Variants in PTPRF observed in about 807,000 individuals in gnomAD.
PTPRF encodes receptor-type tyrosine-protein phosphatase F.
PTPRF carries 59 observed loss-of-function variants against 201.8 expected under a neutral mutation model. The ratio of observed to expected loss-of-function variants is 0.29; its 90% confidence interval spans 0.24 to 0.36. The LOEUF (loss-of-function observed/expected upper bound fraction) is 0.36. PTPRF is among the 10% of genes least tolerant of loss of function. The pLI, the probability that PTPRF is intolerant of heterozygous loss-of-function variation, is 1.00. For missense variants in PTPRF, 2,132 were observed against 2,690.5 expected (o/e 0.79, Z 4.59); for synonymous variants, 1,088 against 1,089.7 (o/e 1.00, Z 0.03).
At chr1:43,560,020 A>C (rs913656628) in intron 5 of PTPRF, among the ~76,000 whole-genome samples, 1 of 145,414 alleles carries the variant, frequency 6.9e-6, no homozygotes, top group African/African-American at 2.6e-5. Flanking sequence ...TGTATCAGGC[A>C]GTGTGTGTGT....
Position 43,619,672 on chromosome 1 carries a change from C to A in PTPRF, c.4933-8C>A. The A allele has an allele frequency of 6.2e-7, 1 of 1,613,862 alleles. No individual in the cohort carries two copies. The highest frequency in any genetic ancestry group is 8.5e-7 in the Non-Finnish European group (1 of 1,179,820). On this transcript the variant is annotated splice_polypyrimidine_tract_variant and splice_region_variant and intron_variant, in intron 28 of 33. Transcript: ENST00000359947. ...AGCCTGGCCTGACCAATCCCTGCCT[C>A]TCAATAGTTGCTGGCCAGCTCCAAG...
At position 43,537,585 on chromosome 1, in the gene PTPRF, TATAA is replaced by T. The variant is rs1285845476; in HGVS notation, c.-125-609_-125-606del. On this transcript the variant is annotated intron_variant, in intron 1 of 33. Transcript: ENST00000359947. The surrounding 1 kb of genome is among the most constrained non-coding windows in gnomAD (Gnocchi z 4.8). ...TAGTGACTCAGTAATTGTAAAAATA[TATAA>T]ATAGTCATGTTTGTGGTCACGGCTC... Among the ~76,000 whole-genome samples the T allele has an allele frequency of 3.9e-5, 6 of 152,204 alleles. No individual in the cohort carries two copies. The highest frequency in any genetic ancestry group is 8.8e-5 in the Non-Finnish European group (6 of 68,032).
At chr1:43,620,343 C>T in intron 30 of PTPRF, 111 bp from the exon 31 acceptor site, 1 of 1,529,728 alleles carries the variant, frequency 6.5e-7, no homozygotes, top group Admixed American at 1.9e-5. Flanking sequence ...AGCATGGCCT[C>T]AGGCGCCCGT....
At chr1:43,568,852 C>T (rs1646368242) in intron 5 of PTPRF, among the ~76,000 whole-genome samples, 1 of 152,196 alleles carries the variant, frequency 6.6e-6, no homozygotes, top group Admixed American at 6.5e-5. Context: ...GTTTTTTCTC[C>T]CCCTACCAAC....
rs138408003 is a variant in PTPRF at position 43,618,765 on chromosome 1, A to G, written c.4491+16A>G. Reference sequence around the variant, plus strand: ...ACTCCACAAGGTATAGCCTTTCCCCAGTGCATATCTCTTACCCAGACACTG... The same window carrying G: ...ACTCCACAAGGTATAGCCTTTCCCCGGTGCATATCTCTTACCCAGACACTG... On this transcript the variant is annotated intron_variant, in intron 26 of 33. Coordinates refer to ENST00000359947, the MANE Select transcript of PTPRF (RefSeq NM_002840.5). 6,223 of 1,590,332 alleles carry G rather than the reference A, an allele frequency of 3.9e-3. 14 individuals are homozygous for G. The highest frequency in any genetic ancestry group is 8.5e-3 in the Middle Eastern group (51 of 6,002).
Position 43,605,186 on chromosome 1 carries a change from A to G in PTPRF, c.3136-4A>G, listed in dbSNP as rs770208156. The G allele has an allele frequency of 4.4e-6, 7 of 1,592,860 alleles. No individual in the cohort carries two copies. The highest frequency in any genetic ancestry group is 1.7e-4 in the Middle Eastern group (1 of 6,006). On this transcript the variant is annotated splice_polypyrimidine_tract_variant and splice_region_variant and intron_variant, in intron 17 of 33. Transcript: ENST00000359947. ...GCATTGATTGCCCCTCCCGTCCCCCACAGATTCTGTACAATGGGCAGAGTG... is the reference window on the plus strand; with the variant it reads ...GCATTGATTGCCCCTCCCGTCCCCCGCAGATTCTGTACAATGGGCAGAGTG...
upstream of PTPRF, among the ~76,000 whole-genome samples, chr1:43,525,608 A>G (rs1187227885): frequency 6.6e-6 from 1 of 151,420 alleles, no homozygotes; most frequent in African/African-American, 2.4e-5. Context: ...TTCAAGACCA[A>G]CTCCTGGCCA....
chr1:43,545,633 C>T (rs929507341), intron 3 of PTPRF, among the ~76,000 whole-genome samples: 87 of 152,262 alleles, frequency 5.7e-4, no homozygotes, highest in African/African-American at 2.0e-3. Flanking sequence ...ACCCATAGCT[C>T]TTCCCCTACG....
chr1:43,573,566 C>T (rs917773185), intron 6 of PTPRF, among the ~76,000 whole-genome samples: 7 of 152,212 alleles, frequency 4.6e-5, no homozygotes, highest in Non-Finnish European at 1.0e-4. Flanking sequence ...AGAGCCTGTC[C>T]CCACCCCACT....
At chr1:43,609,033 G>C (rs1028287326) in intron 21 of PTPRF, among the ~76,000 whole-genome samples, 1 of 152,128 alleles carries the variant, frequency 6.6e-6, no homozygotes, top group Non-Finnish European at 1.5e-5. Context: ...GTTTGTTCCC[G>C]GTGGTTCCTG....
chr1:43,531,668 GC>G (rs11318728), intron 1 of PTPRF, among the ~76,000 whole-genome samples: 2,965 of 150,202 alleles, frequency 0.02, 103 homozygotes, highest in African/African-American at 0.068. Flanking sequence ...CGAGTTTGAA[GC>G]CCCCCCACCC....
chr1:43,621,250 G>A lies in PTPRF; in HGVS notation c.5655+18G>A. ...AGACAGAGGTAACGCAGACCAGGCT[G>A]CAGGGCCAGGGCCTTGGCAGCAGCG... On this transcript the variant is annotated intron_variant, in intron 33 of 33. Coordinates refer to ENST00000359947, the MANE Select transcript of PTPRF (RefSeq NM_002840.5). 2.5e-6 allele frequency: 4 copies of A among 1,612,578 alleles called. No individual in the cohort carries two copies. Among genetic ancestry groups the A allele is most frequent in the Non-Finnish European group, 3.4e-6 (4 of 1,178,928 alleles).
At chr1:43,616,556 C>T (rs1188169217) in intron 23 of PTPRF, among the ~76,000 whole-genome samples, 3 of 151,852 alleles carry the variant, frequency 2.0e-5, no homozygotes, top group Non-Finnish European at 4.4e-5. Context: ...AGCACCAGAA[C>T]CTGGTGACTG....
rs1273595478 is a variant in PTPRF, at chr1:43,619,273, G to A, written c.4647-15G>A. ...TGGGGGCGCCTGTGCCTCAAGCTGA[G>A]CCCGTGTCCTGCAGCGCGGGCGTGG... is the stretch of plus-strand genomic sequence containing the variant. On this transcript the variant is annotated splice_polypyrimidine_tract_variant and intron_variant, in intron 27 of 33. Coordinates refer to ENST00000359947, the MANE Select transcript of PTPRF (RefSeq NM_002840.5). 1.2e-6 allele frequency: 2 copies of A among 1,612,336 alleles called. No homozygotes were observed. Among genetic ancestry groups the A allele is most frequent in the African/African-American group, 2.7e-5 (2 of 75,050 alleles).
intron 6 of PTPRF, among the ~76,000 whole-genome samples, chr1:43,576,525 G>A (rs1017628763): frequency 1.8e-4 from 27 of 152,176 alleles, no homozygotes; most frequent in African/African-American, 6.0e-4. Flanking sequence ...CTGTCAGCTC[G>A]GAGTCCCCGC....
At chr1:43,590,928 G>A (rs773123986) in intron 8 of PTPRF, 44 bp from the exon 9 acceptor site, 1 of 1,536,888 alleles carries the variant, frequency 6.5e-7, no homozygotes. Context: ...GGTTCCTAAG[G>A]ATCTTGACCT....
chr1:43,551,974 C>T (rs549607994), intron 3 of PTPRF, among the ~76,000 whole-genome samples: 1 of 152,064 alleles, frequency 6.6e-6, no homozygotes, highest in Admixed American at 6.5e-5. Flanking sequence ...CACTCCCTAC[C>T]CCGCTCCCAT....
At chr1:43,541,913 G>A (rs965790319) in intron 2 of PTPRF, among the ~76,000 whole-genome samples, 3 of 152,100 alleles carry the variant, frequency 2.0e-5, no homozygotes, top group Non-Finnish European at 4.4e-5. Context: ...CCAGTGCTCC[G>A]GCCTTGTTTT....
chr1:43,577,102 T>C, intron 6 of PTPRF, among the ~76,000 whole-genome samples: 1 of 152,108 alleles, frequency 6.6e-6, no homozygotes, highest in East Asian at 1.9e-4. Flanking sequence ...CAGAGGAACC[T>C]CCTATTTTCT....
Sources: gnomAD v4.1 joint callset for allele counts (sites outside exome capture counted in the v4.1 genomes callset) on GRCh38, gnomAD v4.1.1 for gene constraint, Gnocchi (gnomAD v3.1) non-coding constraint, MANE v1.5 for transcripts, NCBI Gene and HGNC (gene_info 2026-07-23, HGNC 2026-07-21) for gene names.